The following SLC2A9 variants were observed in gnomAD, a reference collection of about 807,000 sequenced individuals.
SLC2A9 encodes solute carrier family 2, facilitated glucose transporter member 9.
SLC2A9 carries 39 observed loss-of-function variants against 50.6 expected under a neutral mutation model. The ratio of observed to expected loss-of-function variants is 0.77; its 90% CI spans 0.60 to 1.01. SLC2A9 has a LOEUF of 1.01. Ranked by LOEUF, SLC2A9 falls within the 50% of genes least tolerant of loss-of-function variation. The probability of loss-of-function intolerance (pLI) is 0.00; values close to 1 mark genes in which losing one functional copy is unlikely to be tolerated. For missense variants in SLC2A9, 686 were observed against 677.6 expected, an observed-to-expected ratio of 1.01 and a Z score of -0.14; for synonymous variants, 324 against 276.9, an observed-to-expected ratio of 1.17 and a Z score of -1.69.
At chr4:9,784,563 G>A (rs4125993) in intron 3 of SLC2A9, among the ~76,000 whole-genome samples, 1 of 152,186 alleles carries the variant, frequency 6.6e-6, no homozygotes, top group East Asian at 1.9e-4. Context: ...TGCTTTTTAA[G>A]TAAAATGTAG....
In SLC2A9 at chr4:9,912,231, G is replaced by A. The variant is rs112250494; in HGVS notation, c.1003-3886C>T. On this transcript the variant is annotated intron_variant, in intron 7 of 11. Coordinates refer to ENST00000264784, the MANE Select transcript of SLC2A9 (RefSeq NM_020041.3). ...GGTGCAGCACACCAACATGGCACAT[G>A]TATACATATGTAACAAACCTGCACG... 7.9e-3 allele frequency among the ~76,000 whole-genome samples: 1,195 copies of A among 152,062 alleles called. 18 individuals are homozygous for A. The highest frequency in any genetic ancestry group is 0.028 in the African/African-American group (1,151 of 41,478).
At chr4:9,790,555 T>A (rs1159181855) in intron 3 of SLC2A9, among the ~76,000 whole-genome samples, 1 of 152,124 alleles carries the variant, frequency 6.6e-6, no homozygotes, top group Non-Finnish European at 1.5e-5. Context: ...TTCCAACCAA[T>A]GACATGGAGG....
chr4:9,813,308 T>C (rs986532578), intron 3 of SLC2A9, among the ~76,000 whole-genome samples: 7 of 152,196 alleles, frequency 4.6e-5, no homozygotes, highest in African/African-American at 1.4e-4. Flanking sequence ...ACCACACTTG[T>C]CCATACCAAC....
At chr4:9,783,372 A>C (rs1239605544) in intron 3 of SLC2A9, 2 of 1,614,150 alleles carry the variant, frequency 1.2e-6, no homozygotes, top group Non-Finnish European at 1.7e-6. Context: ...CCAGATGGTG[A>C]CCCTGTTGCT....
At chr4:9,877,146 C>T (rs545941906) in intron 10 of SLC2A9, among the ~76,000 whole-genome samples, 1 of 152,194 alleles carries the variant, frequency 6.6e-6, no homozygotes, top group Admixed American at 6.5e-5. Context: ...TTCGACTCCC[C>T]CTAAAGTGCT....
chr4:9,843,216 G>T (rs1259161457), intron 10 of SLC2A9, among the ~76,000 whole-genome samples: 1 of 152,110 alleles, frequency 6.6e-6, no homozygotes, highest in African/African-American at 2.4e-5. Context: ...AAAGGGGTGT[G>T]GACAAAGGGA....
downstream of SLC2A9, among the ~76,000 whole-genome samples, chr4:9,777,761 T>G (rs1319269684): frequency 6.6e-6 from 1 of 152,204 alleles, no homozygotes; most frequent in Admixed American, 6.5e-5. Context: ...CAGGCGGTGA[T>G]GTGAAAGATG....
intron 10 of SLC2A9, among the ~76,000 whole-genome samples, chr4:9,843,931 T>TC (rs1224857810): frequency 1.3e-5 from 2 of 152,078 alleles, no homozygotes; most frequent in Non-Finnish European, 2.9e-5. Context: ...GAAAAGGCCT[T>TC]CCCCAATAAC....
At chr4:10,009,732 T>C (rs1409159867) in intron 2 of SLC2A9, 1 of 152,246 alleles carries the variant, frequency 6.6e-6, no homozygotes, top group African/African-American at 2.4e-5. Context: ...TAAGTCCTAA[T>C]TTATATTGGA....
chr4:9,780,656 C>T (rs988380471), intron 3 of SLC2A9, among the ~76,000 whole-genome samples: 4 of 152,198 alleles, frequency 2.6e-5, no homozygotes, highest in Admixed American at 6.5e-5. Flanking sequence ...TGTCACATCC[C>T]TTTCTCTCCC....
At chr4:9,887,416 A>T in intron 10 of SLC2A9, 151 bp downstream of exon 10, 1 of 714,518 alleles carries the variant, frequency 1.4e-6, no homozygotes, top group East Asian at 3.1e-5. Context: ...CTACATTTAA[A>T]TTGGGCCAAA....
At chr4:9,951,997 A>G (rs1217051180) in intron 5 of SLC2A9, among the ~76,000 whole-genome samples, 1 of 152,212 alleles carries the variant, frequency 6.6e-6, no homozygotes, top group Non-Finnish European at 1.5e-5. Flanking sequence ...TAAGACTCCC[A>G]ATGCCACAGA....
At chr4:9,986,084 T>A (rs1018380503) in intron 3 of SLC2A9, among the ~76,000 whole-genome samples, 1 of 152,248 alleles carries the variant, frequency 6.6e-6, no homozygotes, top group African/African-American at 2.4e-5. Flanking sequence ...AAGTCAGTGG[T>A]CATCTTACAA....
intron 5 of SLC2A9, among the ~76,000 whole-genome samples, chr4:9,972,150 G>T (rs1553897275): frequency 6.6e-6 from 1 of 152,008 alleles, no homozygotes. Context: ...TATTTAGATT[G>T]AAAAAATTTG....
Position 9,841,288 on chromosome 4 carries a change from TCCTATTGG to T in SLC2A9, c.1292-6288_1292-6281del, listed in dbSNP as rs1189629826. Among the ~76,000 whole-genome samples, 4 of 152,344 alleles carry T rather than the reference TCCTATTGG, an allele frequency of 2.6e-5. No individual in the cohort carries two copies. In the East Asian group the frequency reaches 7.7e-4, roughly 29 times the overall value. The stretch of plus-strand genomic sequence containing the variant: ...GTGTTGGATCAGCTTTGTTTCCCTT[TCCTATTGG>T]CCATCTCGTGAGCGACTTTGTTCTC... On this transcript the variant is annotated intron_variant, in intron 10 of 11. Transcript: ENST00000264784.
chr4:9,819,710 G>C (rs968780672), intron 3 of SLC2A9, among the ~76,000 whole-genome samples: 2 of 152,252 alleles, frequency 1.3e-5, no homozygotes, highest in African/African-American at 4.8e-5. Context: ...AAGGCGTGCA[G>C]ACCACCTGCA....
chr4:9,946,516 C>G (rs890382186), intron 5 of SLC2A9, among the ~76,000 whole-genome samples: 2 of 152,188 alleles, frequency 1.3e-5, no homozygotes, highest in Non-Finnish European at 2.9e-5. Context: ...CCTCTGACAG[C>G]AAAAGGGCTC....
At chr4:9,893,874 C>T (rs1395324016) in intron 8 of SLC2A9, among the ~76,000 whole-genome samples, 2 of 152,192 alleles carry the variant, frequency 1.3e-5, no homozygotes, top group African/African-American at 2.4e-5. Flanking sequence ...TGTAACAATG[C>T]AACACATGTT....
chr4:9,787,820 C>T (rs759217304), intron 3 of SLC2A9, among the ~76,000 whole-genome samples: 9 of 152,126 alleles, frequency 5.9e-5, no homozygotes, highest in Admixed American at 1.3e-4. Context: ...ATCACAGATG[C>T]CATGCTGAGC....
Sources: allele counts gnomAD v4.1 joint callset (sites outside exome capture counted in the v4.1 genomes callset), GRCh38; gene constraint gnomAD v4.1.1; transcripts MANE v1.5; gene names NCBI Gene and HGNC (gene_info 2026-07-23, HGNC 2026-07-21).